The following TMED8 variants were observed in gnomAD, a reference collection of about 807,000 sequenced individuals.
The protein encoded by TMED8 is transmembrane p24 trafficking protein family member 8, also known as protein TMED8.
A neutral mutation model predicts 32.7 loss-of-function variants in TMED8; 15 were observed. That is an observed-to-expected ratio of 0.46 (90% CI 0.31 to 0.71). The LOEUF (loss-of-function observed/expected upper bound fraction) is 0.71, where lower values mean the gene tolerates loss of function less well. Among genes scored for constraint, TMED8 ranks in the 30% least tolerant of loss-of-function variants. The pLI is 0.06. For synonymous variants in TMED8, 147 were observed against 161.4 expected, an observed-to-expected ratio of 0.91 and a Z score of 0.68; for missense variants, 390 against 423.9, an observed-to-expected ratio of 0.92 and a Z score of 0.70.
chr14:77,368,994 C>T (rs1299705533), intron 1 of TMED8, among the ~76,000 whole-genome samples: 7 of 152,186 alleles, frequency 4.6e-5, no homozygotes, highest in African/African-American at 7.2e-5. Context: ...CGAAAATATT[C>T]TCCCATATCC....
At chr14:77,365,627 G>A (rs1164946660) in intron 1 of TMED8, among the ~76,000 whole-genome samples, 1 of 152,214 alleles carries the variant, frequency 6.6e-6, no homozygotes, top group Non-Finnish European at 1.5e-5. Flanking sequence ...GAGATGAGCT[G>A]AGAGCCACAG....
intron 1 of TMED8, among the ~76,000 whole-genome samples, chr14:77,353,636 T>G (rs78799308): frequency 1.4e-4 from 21 of 151,512 alleles, no homozygotes; most frequent in Non-Finnish European, 2.9e-4. Flanking sequence ...TTTTTTTTTT[T>G]GTAGAGATGG....
At position 77,341,467 on chromosome 14, in the gene TMED8, T is replaced by A. The variant is rs1404626507; in HGVS notation, c.*304A>T. The A allele has an allele frequency of 5.2e-6, 2 of 386,906 alleles. No homozygotes were observed. The highest frequency in any genetic ancestry group is 9.6e-6 in the Non-Finnish European group (2 of 208,540). 24.0% of individuals were successfully genotyped at this position (386,906 alleles called of 1,614,324 possible). A position where few individuals can be genotyped will look rare whatever the true frequency, so the allele number is the denominator to read the frequency against. ...ACCTGTGCCAAGATGAATCTATTTTTAAAAAACATCGCCCTGCTTCCTTTT... is the reference window on the plus strand; with the variant it reads ...ACCTGTGCCAAGATGAATCTATTTTAAAAAAACATCGCCCTGCTTCCTTTT... On this transcript the variant is annotated 3_prime_UTR_variant, in exon 6 of 6. Transcript: ENST00000216468.
chr14:77,354,935 C>G (rs1037409451), intron 1 of TMED8, among the ~76,000 whole-genome samples: 3 of 149,992 alleles, frequency 2.0e-5, no homozygotes, highest in Non-Finnish European at 4.4e-5. Context: ...GCCTGGGTGA[C>G]GAAGGAAGAA....
At chr14:77,353,248 GACA>G (rs769662861) in intron 1 of TMED8, among the ~76,000 whole-genome samples, 3 of 152,122 alleles carry the variant, frequency 2.0e-5, no homozygotes, top group Non-Finnish European at 2.9e-5. Context: ...CTCTGTGTAA[GACA>G]ACAAGACACT....
At chr14:77,353,413 A>C (rs1893222280) in intron 1 of TMED8, among the ~76,000 whole-genome samples, 1 of 151,738 alleles carries the variant, frequency 6.6e-6, no homozygotes, top group South Asian at 2.1e-4. Flanking sequence ...TATGTGAACA[A>C]GATCTATTTT....
chr14:77,359,908 A>G (rs1320674643), intron 1 of TMED8: 1 of 161,050 alleles, frequency 6.2e-6, no homozygotes, highest in Non-Finnish European at 1.4e-5. Context: ...AGAAAAAAAA[A>G]TTGAATGAAT....
intron 1 of TMED8, among the ~76,000 whole-genome samples, chr14:77,358,487 C>A (rs1260135138): frequency 6.6e-6 from 1 of 151,894 alleles, no homozygotes; most frequent in Non-Finnish European, 1.5e-5. Flanking sequence ...TTAGTAGAGA[C>A]AGGGTTTCAC....
In TMED8 at chr14:77,336,084, T is replaced by C. The variant is rs1435354840; in HGVS notation, c.*5687A>G. 2 of 152,132 alleles carry C rather than the reference T, an allele frequency of 1.3e-5. No homozygotes were observed. Among genetic ancestry groups the C allele is most frequent in the Admixed American group, 6.5e-5 (1 of 15,270 alleles). The allele number at this position is 152,132 out of a possible 1,614,324, so 9.4% of individuals were successfully genotyped here. On this transcript the variant is annotated 3_prime_UTR_variant, in exon 6 of 6. Coordinates refer to ENST00000216468, the MANE Select transcript of TMED8 (RefSeq NM_213601.3). ...CTGAATTAAGGGCTCTTTGGTAATATCATATACTATAATATTTCAAACCAA... is the reference window on the plus strand; with the variant it reads ...CTGAATTAAGGGCTCTTTGGTAATACCATATACTATAATATTTCAAACCAA...
At chr14:77,352,534 T>A (rs1177757128) in intron 1 of TMED8, among the ~76,000 whole-genome samples, 1 of 151,394 alleles carries the variant, frequency 6.6e-6, no homozygotes, top group Non-Finnish European at 1.5e-5. Flanking sequence ...AGGTCAGGAG[T>A]TCGAGACCAG....
chr14:77,372,473 T>G (rs950503844), intron 1 of TMED8, among the ~76,000 whole-genome samples: 2 of 152,152 alleles, frequency 1.3e-5, no homozygotes, highest in Admixed American at 6.5e-5. Context: ...CATTTTAGAT[T>G]CCAGTGCAGA....
chr14:77,344,314 C>T (rs1892978687), intron 3 of TMED8, among the ~76,000 whole-genome samples: 2 of 152,250 alleles, frequency 1.3e-5, no homozygotes, highest in African/African-American at 4.8e-5. Context: ...CTCTCCAAAG[C>T]ACTGCAGAGA....
intron 4 of TMED8, 85 bp from the exon 5 acceptor site, chr14:77,343,568 C>A: frequency 6.3e-7 from 1 of 1,579,206 alleles, no homozygotes; most frequent in South Asian, 1.2e-5. Flanking sequence ...CTGGCACAGT[C>A]AGACATTCTT....
chr14:77,357,488 A>AT (rs1893317662), intron 1 of TMED8, among the ~76,000 whole-genome samples: 1 of 152,222 alleles, frequency 6.6e-6, no homozygotes. Context: ...ATTTCCCCTC[A>AT]TCAACTATTT....
intron 5 of TMED8, 32 bp from the exon 6 acceptor site, chr14:77,342,020 A>G (rs1892916247): frequency 6.2e-7 from 1 of 1,602,780 alleles, no homozygotes; most frequent in Admixed American, 1.7e-5. Context: ...GTGTTCAGAG[A>G]CTGCGTAAGT....
At chr14:77,345,518 G>A (rs1393048701) in intron 3 of TMED8, among the ~76,000 whole-genome samples, 1 of 151,782 alleles carries the variant, frequency 6.6e-6, no homozygotes, top group Non-Finnish European at 1.5e-5. Context: ...CCATGGCAGG[G>A]GCACCACTAC....
In TMED8 at chr14:77,376,999, G is replaced by A; in HGVS notation, c.55C>T (p.Pro19Ser). ...TCCCCGACGCCGCCAGCCGACCCTG[G>A]GCGGGCTGTGGGGCTCCAGGAGCCC... Reference protein sequence around the residue: ...GPGSWSPTARPGSAGGVGDCQ... With the variant: ...GPGSWSPTARSGSAGGVGDCQ... The change falls in exon 1 of 6, where the codon CCA becomes TCA. Residue 19 changes from proline to serine, a missense_variant. Pro to Ser is a moderately conservative substitution (Grantham distance 74). Transcript: ENST00000216468. The surrounding 1 kb of genome is among the most constrained non-coding windows in gnomAD (Gnocchi z 4.0). 7.0e-6 allele frequency: 10 copies of A among 1,435,466 alleles called. No homozygotes were observed. Among genetic ancestry groups the A allele is most frequent in the Non-Finnish European group, 9.1e-6 (10 of 1,103,390 alleles). 88.9% of individuals were successfully genotyped at this position (1,435,466 alleles called of 1,614,324 possible). A position where few individuals can be genotyped will look rare whatever the true frequency, so the allele number is the denominator to read the frequency against.
chr14:77,337,666 C>T lies in TMED8; in HGVS notation c.*4105G>A, dbSNP rs979363135. The T allele has an allele frequency of 6.6e-6, 1 of 152,234 alleles. No individual in the cohort carries two copies. The highest frequency in any genetic ancestry group is 1.5e-5 in the Non-Finnish European group (1 of 68,066). The allele number at this position is 152,234 out of a possible 1,614,324, so 9.4% of individuals were successfully genotyped here. A position where few individuals can be genotyped will look rare whatever the true frequency, so the allele number is the denominator to read the frequency against. On this transcript the variant is annotated 3_prime_UTR_variant, in exon 6 of 6. Coordinates refer to ENST00000216468, the MANE Select transcript of TMED8 (RefSeq NM_213601.3). The stretch of plus-strand genomic sequence containing the variant: ...TTGGCCTCCCAAAGTGCTGGGATTA[C>T]AGGCGTGGGCCACGGCGCCTGGCCT...
rs944456893 is a variant in TMED8, at chr14:77,340,235, A to T, written c.*1536T>A. 2.0e-5 allele frequency: 3 copies of T among 152,180 alleles called. No individual in the cohort carries two copies. Among genetic ancestry groups the T allele is most frequent in the Admixed American group, 2.0e-4 (3 of 15,270 alleles). 9.4% of individuals were successfully genotyped at this position (152,180 alleles called of 1,614,324 possible). On this transcript the variant is annotated 3_prime_UTR_variant, in exon 6 of 6. Coordinates refer to ENST00000216468, the MANE Select transcript of TMED8 (RefSeq NM_213601.3). Reference sequence around the variant, plus strand: ...TCCTCGCAAAGCCGTCACAGGACTGACCTACAGAAATAAAACATCATCGCT... The same window carrying T: ...TCCTCGCAAAGCCGTCACAGGACTGTCCTACAGAAATAAAACATCATCGCT...
Sources: gnomAD v4.1 joint callset for allele counts (sites outside exome capture counted in the v4.1 genomes callset) on GRCh38, gnomAD v4.1.1 for gene constraint, Gnocchi (gnomAD v3.1) non-coding constraint, MANE v1.5 for transcripts, NCBI Gene and HGNC (gene_info 2026-07-23, HGNC 2026-07-21) for gene names.